Variants in ZNF70 observed in about 807,000 individuals in gnomAD.
The protein encoded by ZNF70 is zinc finger protein 70.
ZNF70 carries 18 observed loss-of-function variants against 37.7 expected under a neutral mutation model. That is an observed-to-expected ratio of 0.48 (90% CI 0.33 to 0.71). The LOEUF (loss-of-function observed/expected upper bound fraction) is 0.71. Ranked by LOEUF, ZNF70 falls within the 30% of genes least tolerant of loss-of-function variation. The pLI is 0.02. For missense variants in ZNF70, 506 were observed against 568.6 expected (o/e 0.89, Z 1.12); for synonymous variants, 219 against 220.1 (o/e 0.99, Z 0.05).
chr22:23,748,770 C>T (rs912445120), intron 1 of ZNF70, among the ~76,000 whole-genome samples: 1 of 151,924 alleles, frequency 6.6e-6, no homozygotes, highest in Non-Finnish European at 1.5e-5. Context: ...GTCTCGAACT[C>T]CTGACCTCAG....
At position 23,749,753 on chromosome 22, in the gene ZNF70, TC is replaced by T. The variant is rs1925262911; in HGVS notation, c.-80+957del. ...CCAGCCCTAAAGTATTTTCAAAAAT[TC>T]TTTGATCACTTCAACTCCTCTCACC... On this transcript the variant is annotated intron_variant, in intron 1 of 1. Transcript: ENST00000341976. Among the ~76,000 whole-genome samples, 3 of 152,122 alleles carry T rather than the reference TC, an allele frequency of 2.0e-5. No individual in the cohort carries two copies. In the South Asian group the frequency reaches 6.2e-4, roughly 32 times the overall value.
In ZNF70 at chr22:23,744,726, G is replaced by A. The variant is rs773678753; in HGVS notation, c.415C>T (p.Pro139Ser). ...APHRTPQPAK[P>S]YACRECGKAF... ...TTCCCACACTCTCGACACGCATAGG[G>A]CTTGGCTGGTTGTGGGGTTCTGTGA... The change falls in exon 2 of 2, where the codon CCC (proline) becomes TCC (serine). Residue 139 changes from proline (P) to serine (S), a missense_variant. Physicochemically the swap from Pro to Ser is moderately conservative, Grantham distance 74 (BLOSUM62 -1). Coordinates refer to ENST00000341976, the MANE Select transcript of ZNF70 (RefSeq NM_021916.4). The A allele has an allele frequency of 6.2e-7, 1 of 1,614,240 alleles. No homozygotes were observed.
chr22:23,746,003 CT>C (rs1289023782), intron 1 of ZNF70, among the ~76,000 whole-genome samples: 18 of 152,266 alleles, frequency 1.2e-4, no homozygotes, highest in Non-Finnish European at 2.2e-4. Context: ...CTTCCTGAGG[CT>C]GCATGGGCAG....
chr22:23,750,002 G>T (rs1484367058), intron 1 of ZNF70, among the ~76,000 whole-genome samples: 2 of 152,122 alleles, frequency 1.3e-5, no homozygotes, highest in Admixed American at 1.3e-4. Context: ...GCAACTAGCC[G>T]CTAAGTCCCA....
chr22:23,744,028 C>T lies in ZNF70; in HGVS notation c.1113G>A (p.Lys371=), dbSNP rs1014825493. The change falls in exon 2 of 2, where the codon AAG becomes AAA. Residue 371 remains lysine, a synonymous_variant. Transcript: ENST00000341976. ...EKPYECCQCG[K]AFCHSSALIQ... ...TCAGCGCAGAGCTGTGGCAAAAGGCCTTGCCACACTGACAGCACTCGTAGG... is the reference window on the plus strand; with the variant it reads ...TCAGCGCAGAGCTGTGGCAAAAGGCTTTGCCACACTGACAGCACTCGTAGG... 2.5e-6 allele frequency: 4 copies of T among 1,614,144 alleles called. No individual in the cohort carries two copies. The South Asian group carries it at 4.4e-5, about 18-fold the overall frequency.
At position 23,743,857 on chromosome 22, in the gene ZNF70, G is replaced by T; in HGVS notation, c.1284C>A (p.Phe428Leu). The part of the protein sequence containing the change: ...PYVCNLCGKS[F>L]RGSSHLIRHQ... ...GGCGAATCAGGTGCGAGCTCCCCCG[G>T]AAGGACTTGCCGCACAGATTGCACA... The change falls in exon 2 of 2, where the codon TTC becomes TTA. Residue 428 changes from phenylalanine (F) to leucine (L), a missense_variant. Coordinates refer to ENST00000341976, the MANE Select transcript of ZNF70 (RefSeq NM_021916.4). 4 of 1,614,226 alleles carry T rather than the reference G, an allele frequency of 2.5e-6. No homozygotes were observed. The highest frequency in any genetic ancestry group is 3.4e-6 in the Non-Finnish European group (4 of 1,180,030).
chr22:23,745,298 T>A, intron 1 of ZNF70, 79 bp from the exon 2 acceptor site: 1 of 743,268 alleles, frequency 1.3e-6, no homozygotes, highest in Non-Finnish European at 2.2e-6. Context: ...CTAGAATCTA[T>A]GGTAGAAACA....
chr22:23,750,122 G>C (rs533657786), intron 1 of ZNF70, among the ~76,000 whole-genome samples: 2 of 152,206 alleles, frequency 1.3e-5, no homozygotes, highest in South Asian at 4.2e-4. Flanking sequence ...TGGGACCTCA[G>C]CTCTGGCATT....
Position 23,745,008 on chromosome 22 carries a change from C to T in ZNF70, c.133G>A (p.Ala45Thr), listed in dbSNP as rs575280489. 2.0e-5 allele frequency: 33 copies of T among 1,614,166 alleles called. 1 individual carries two copies. In the South Asian group the frequency reaches 3.4e-4, roughly 17 times the overall value. Residue 45 changes from alanine (A) to threonine (T), a missense_variant, in exon 2 of 2, where the codon GCT becomes ACT. Physicochemically the swap from Ala to Thr is moderately conservative, Grantham distance 58. Transcript: ENST00000341976. ...FLQERGLEQMAVIYKEIPLGE... is the reference protein window; with the variant it reads ...FLQERGLEQMTVIYKEIPLGE... ...AGAGGGATCTCCTTGTAGATCACAG[C>T]CATTTGCTCCAAACCTCTTTCCTGA...
Position 23,744,647 on chromosome 22 carries a change from TC to T in ZNF70, c.493del (p.Glu165ArgfsTer103). 1.2e-6 allele frequency: 2 copies of T among 1,614,060 alleles called. No homozygotes were observed. The highest frequency in any genetic ancestry group is 1.7e-6 in the Non-Finnish European group (2 of 1,179,956). On this transcript the variant is annotated frameshift_variant, in exon 2 of 2. Coordinates refer to ENST00000341976, the MANE Select transcript of ZNF70 (RefSeq NM_021916.4). LOFTEE classifies it high-confidence loss of function. ...GCACTCACAGCACTCATAGGGCTTC[TC>T]CCCAGTGTGGATCACCAGGTGTCGG... is the stretch of plus-strand genomic sequence containing the variant. ...LLRHLVIHTG[E>X]KPYECCECGK...
At position 23,744,607 on chromosome 22, in the gene ZNF70, G is replaced by A. The variant is rs1925034096; in HGVS notation, c.534C>T (p.Ser178=). 13 of 1,613,710 alleles carry A rather than the reference G, an allele frequency of 8.1e-6. No individual in the cohort carries two copies. The highest frequency in any genetic ancestry group is 1.3e-5 in the African/African-American group (1 of 74,852). The part of the protein sequence containing the change: ...YECCECGKAF[S]QSSHLLRHQI... ...GGTGCCTGAGCAGGTGGGAGCTCTG[G>A]CTGAAGGCCTTCCCGCACTCACAGC... Residue 178 remains serine, a synonymous_variant, in exon 2 of 2, where the codon AGC becomes AGT. Transcript: ENST00000341976.
Position 23,744,721 on chromosome 22 carries a change from A to G in ZNF70, c.420T>C (p.Tyr140=), listed in dbSNP as rs1400929581. 3.7e-6 allele frequency: 6 copies of G among 1,614,184 alleles called. No homozygotes were observed. The highest frequency in any genetic ancestry group is 3.4e-6 in the Non-Finnish European group (4 of 1,180,030). Residue 140 remains tyrosine, a synonymous_variant, in exon 2 of 2, where the codon TAT becomes TAC. Transcript: ENST00000341976. ...AGGCCTTCCCACACTCTCGACACGC[A>G]TAGGGCTTGGCTGGTTGTGGGGTTC... ...PHRTPQPAKP[Y]ACRECGKAFS...
Position 23,743,686 on chromosome 22 carries a change from G to C in ZNF70, c.*114C>G. The C allele has an allele frequency of 2.1e-6, 3 of 1,426,836 alleles. No homozygotes were observed. The highest frequency in any genetic ancestry group is 2.8e-6 in the Non-Finnish European group (3 of 1,056,224). The allele number at this position is 1,426,836 out of a possible 1,614,324, so 88.4% of individuals were successfully genotyped here. A position where few individuals can be genotyped will look rare whatever the true frequency, so the allele number is the denominator to read the frequency against. ...TAGTGGGATGTTCAAGAGCGCTTAG[G>C]TGGGAAGGTTTCCATTCAGCATCAG... On this transcript the variant is annotated 3_prime_UTR_variant, in exon 2 of 2. Transcript: ENST00000341976.
chr22:23,744,707 C>T lies in ZNF70; in HGVS notation c.434G>A (p.Cys145Tyr). 1 of 1,614,232 alleles carries T rather than the reference C, an allele frequency of 6.2e-7. No individual in the cohort carries two copies. Among genetic ancestry groups the T allele is most frequent in the Non-Finnish European group, 8.5e-7 (1 of 1,180,048 alleles). The change falls in exon 2 of 2, where the codon TGT becomes TAT. Residue 145 changes from cysteine to tyrosine, a missense_variant. By Grantham distance (194) the Cys-to-Tyr change is radical (BLOSUM62 -2). Coordinates refer to ENST00000341976, the MANE Select transcript of ZNF70 (RefSeq NM_021916.4). ...QPAKPYACRE[C>Y]GKAFSQSSHL... ...CGAGCTCTGGCTGAAGGCCTTCCCA[C>T]ACTCTCGACACGCATAGGGCTTGGC...
In ZNF70 at chr22:23,745,097, A is replaced by C; in HGVS notation, c.44T>G (p.Phe15Cys). The change falls in exon 2 of 2, where the codon TTT (phenylalanine) becomes TGT (cysteine). Residue 15 changes from phenylalanine to cysteine, a missense_variant. By Grantham distance (205) the Phe-to-Cys change is radical. Transcript: ENST00000341976. ...TTGTTGTGACTCTAACCTGTTCTCAAATGCAAAGGTCTCACCAAACTTTGT... is the reference window on the plus strand; with the variant it reads ...TTGTTGTGACTCTAACCTGTTCTCACATGCAAAGGTCTCACCAAACTTTGT... ...PATKFGETFA[F>C]ENRLESQQGL... The C allele has an allele frequency of 1.2e-6, 2 of 1,614,068 alleles. No individual in the cohort carries two copies. Among genetic ancestry groups the C allele is most frequent in the African/African-American group, 1.3e-5 (1 of 75,032 alleles).
chr22:23,748,778 C>T (rs1925219052), intron 1 of ZNF70, among the ~76,000 whole-genome samples: 1 of 152,018 alleles, frequency 6.6e-6, no homozygotes, highest in Admixed American at 6.6e-5. Context: ...CTCCTGACCT[C>T]AGGTGATCCG....
At chr22:23,745,973 G>A (rs6003869) in intron 1 of ZNF70, among the ~76,000 whole-genome samples, 11,109 of 152,070 alleles carry the variant, frequency 0.073, 1,199 homozygotes, top group African/African-American at 0.24. Flanking sequence ...ATTCTCACCC[G>A]ACCGGTCCCC....
Position 23,741,267 on chromosome 22 carries a change from C to T in ZNF70, c.*2533G>A, listed in dbSNP as rs1010184976. 18 of 152,182 alleles carry T rather than the reference C, an allele frequency of 1.2e-4. No homozygotes were observed. The highest frequency in any genetic ancestry group is 4.3e-4 in the African/African-American group (18 of 41,424). 9.4% of individuals were successfully genotyped at this position (152,182 alleles called of 1,614,324 possible). The stretch of plus-strand genomic sequence containing the variant: ...GGGCAGGTGTAAAGAGGAGGTAGAT[C>T]TTTCAGGGACCCCTGCTTGATGCCG... On this transcript the variant is annotated 3_prime_UTR_variant, in exon 2 of 2. Transcript: ENST00000341976.
In ZNF70 at chr22:23,741,127, C is replaced by T. The variant is rs1234409510; in HGVS notation, c.*2673G>A. The stretch of plus-strand genomic sequence containing the variant: ...AAGTTGGTTTTAAGGAGAGTGGTGA[C>T]TTGTGCAAAATGATGCTTTAAAAAT... On this transcript the variant is annotated 3_prime_UTR_variant, in exon 2 of 2. Coordinates refer to ENST00000341976, the MANE Select transcript of ZNF70 (RefSeq NM_021916.4). 1 of 152,198 alleles carries T rather than the reference C, an allele frequency of 6.6e-6. No homozygotes were observed. The highest frequency in any genetic ancestry group is 1.5e-5 in the Non-Finnish European group (1 of 68,056). 9.4% of individuals were successfully genotyped at this position (152,198 alleles called of 1,614,324 possible). A position where few individuals can be genotyped will look rare whatever the true frequency, so the allele number is the denominator to read the frequency against.
Sources: gnomAD v4.1 joint callset for allele counts (sites outside exome capture counted in the v4.1 genomes callset) on GRCh38, gnomAD v4.1.1 for gene constraint, MANE v1.5 for transcripts, NCBI Gene and HGNC (gene_info 2026-07-23, HGNC 2026-07-21) for gene names.